The following FAM120A variants were observed in gnomAD, a reference collection of about 807,000 sequenced individuals.
The protein encoded by FAM120A is family with sequence similarity 120 member A.
FAM120A carries 15 observed loss-of-function variants against 109.7 expected under a neutral mutation model. The ratio of observed to expected loss-of-function variants is 0.14; its 90% CI spans 0.09 to 0.21. The LOEUF is 0.21. FAM120A is among the 10% of genes least tolerant of loss of function. FAM120A has a pLI of 1.00. For missense variants in FAM120A, 899 were observed against 1,439.3 expected (o/e 0.62, Z 6.07); for synonymous variants, 493 against 572.8 (o/e 0.86, Z 1.99).
intron 8 of FAM120A, among the ~76,000 whole-genome samples, 168 bp downstream of exon 8, chr9:93,527,410 C>G (rs1021776595): frequency 6.6e-6 from 1 of 152,178 alleles, no homozygotes; most frequent in East Asian, 1.9e-4. Context: ...ATGCCCAAGC[C>G]GGCTAGTCTT....
At chr9:93,454,376 C>G (rs1253565403) in intron 1 of FAM120A, among the ~76,000 whole-genome samples, 2 of 152,000 alleles carry the variant, frequency 1.3e-5, no homozygotes, top group Non-Finnish European at 2.9e-5. Context: ...TTCTCAGCAA[C>G]CAAGCAAGAT....
At chr9:93,553,557 TA>T (rs1373523513) in intron 12 of FAM120A, among the ~76,000 whole-genome samples, 1 of 152,250 alleles carries the variant, frequency 6.6e-6, no homozygotes, top group African/African-American at 2.4e-5. Flanking sequence ...TTAACTTCCA[TA>T]TTTGTATTTC....
In FAM120A at chr9:93,565,800, T is replaced by G. The variant is rs1190415872; in HGVS notation, c.*1260T>G. ...TAGAAGCAGGTATACTTCTATCATT[T>G]TGATGTTTTTGTTAATGTTTCCAAA... On this transcript the variant is annotated 3_prime_UTR_variant, in exon 18 of 18. Transcript: ENST00000277165. 6.6e-6 allele frequency: 1 copy of G among 152,644 alleles called. No individual in the cohort carries two copies. Among genetic ancestry groups the G allele is most frequent in the Non-Finnish European group, 1.5e-5 (1 of 68,038 alleles). The allele number at this position is 152,644 out of a possible 1,614,324, so 9.5% of individuals were successfully genotyped here.
chr9:93,473,691 A>G (rs963344233), intron 2 of FAM120A, among the ~76,000 whole-genome samples: 2 of 152,246 alleles, frequency 1.3e-5, no homozygotes, highest in African/African-American at 4.8e-5. Flanking sequence ...GTGATTTCAC[A>G]ACTTGTGTTT....
At chr9:93,467,956 A>G (rs964351781) in intron 1 of FAM120A, among the ~76,000 whole-genome samples, 5 of 151,572 alleles carry the variant, frequency 3.3e-5, no homozygotes, top group African/African-American at 4.9e-5. Flanking sequence ...ATCTTGACTC[A>G]CTGCAACCTC....
intron 5 of FAM120A, among the ~76,000 whole-genome samples, chr9:93,507,678 G>T (rs552226892): frequency 3.2e-4 from 48 of 152,276 alleles, no homozygotes; most frequent in African/African-American, 1.1e-3. Context: ...TGTTAGCAGC[G>T]CTGAGTTCTG....
intron 5 of FAM120A, among the ~76,000 whole-genome samples, chr9:93,501,973 A>G (rs1342176971): frequency 6.6e-6 from 1 of 152,236 alleles, no homozygotes; most frequent in Non-Finnish European, 1.5e-5. Context: ...AAGGAACAAC[A>G]TGGAGTCGGT....
chr9:93,471,511 G>C (rs1858313517), intron 2 of FAM120A, 124 bp downstream of exon 2: 3 of 1,212,800 alleles, frequency 2.5e-6, no homozygotes, highest in South Asian at 2.9e-5. Flanking sequence ...GAACCAAGGC[G>C]TGGGCTCTTC....
chr9:93,507,866 T>C (rs985375836), intron 5 of FAM120A, among the ~76,000 whole-genome samples: 2 of 152,120 alleles, frequency 1.3e-5, no homozygotes, highest in Non-Finnish European at 2.9e-5. Context: ...TTCCTCAGTA[T>C]AGAAATTCGT....
chr9:93,527,258 C>T lies in FAM120A; in HGVS notation c.1506+16C>T, dbSNP rs775094705. ...CCAAACAAAGGTAGAAAGTCTATGC[C>T]TTTTAGTTTTTGAGTTCTGACTCAT... is the stretch of plus-strand genomic sequence containing the variant. On this transcript the variant is annotated intron_variant, in intron 8 of 17. Transcript: ENST00000277165. 2 of 1,606,798 alleles carry T rather than the reference C, an allele frequency of 1.2e-6. No homozygotes were observed. Among genetic ancestry groups the T allele is most frequent in the African/African-American group, 2.7e-5 (2 of 74,858 alleles).
At chr9:93,513,303 C>G (rs985203945) in intron 5 of FAM120A, among the ~76,000 whole-genome samples, 2 of 152,210 alleles carry the variant, frequency 1.3e-5, no homozygotes, top group African/African-American at 4.8e-5. Flanking sequence ...CTTGTATTGT[C>G]TGTGCCATGC....
chr9:93,532,546 T>A lies in FAM120A; in HGVS notation c.1909+217T>A. The stretch of plus-strand genomic sequence containing the variant: ...CCTCAGTAACATTCCAATAATGATG[T>A]TTATTCAGTAAAATAATAAAACAGG... On this transcript the variant is annotated intron_variant, in intron 10 of 17. Coordinates refer to ENST00000277165, the MANE Select transcript of FAM120A (RefSeq NM_014612.5). This position sits in a 1 kb window ranked among gnomAD's most constrained non-coding sequence, Gnocchi z 4.3. The A allele has an allele frequency of 1.8e-6, 1 of 561,568 alleles. No homozygotes were observed. Among genetic ancestry groups the A allele is most frequent in the Non-Finnish European group, 3.2e-6 (1 of 314,300 alleles). The allele number at this position is 561,568 out of a possible 1,614,324, so 34.8% of individuals were successfully genotyped here.
intron 5 of FAM120A, among the ~76,000 whole-genome samples, chr9:93,510,418 T>C (rs10121183): frequency 0.023 from 3,429 of 152,294 alleles, 127 homozygotes; most frequent in African/African-American, 0.077. Context: ...GGTTTATTAA[T>C]GTTGTATTTG....
intron 2 of FAM120A, among the ~76,000 whole-genome samples, chr9:93,471,738 TTA>T (rs1858323389): frequency 6.6e-6 from 1 of 152,178 alleles, no homozygotes; most frequent in Non-Finnish European, 1.5e-5. Flanking sequence ...TAAATTATGT[TTA>T]TAGTAGAAGA....
intron 2 of FAM120A, among the ~76,000 whole-genome samples, chr9:93,472,158 G>A (rs1858339622): frequency 1.3e-5 from 2 of 151,926 alleles, no homozygotes; most frequent in South Asian, 2.1e-4. Context: ...TACTTGGGAG[G>A]CTGAGGCACA....
At chr9:93,470,686 A>G (rs1858270202) in intron 1 of FAM120A, among the ~76,000 whole-genome samples, 1 of 152,160 alleles carries the variant, frequency 6.6e-6, no homozygotes, top group Non-Finnish European at 1.5e-5. Flanking sequence ...TTAAATTCTG[A>G]TGATTTCACC....
intron 1 of FAM120A, 102 bp from the exon 2 acceptor site, chr9:93,471,039 C>A: frequency 3.5e-6 from 5 of 1,409,808 alleles, no homozygotes; most frequent in South Asian, 1.4e-5. Flanking sequence ...GGATAGTTTT[C>A]ATAAATGTGA....
At chr9:93,512,943 G>C (rs1002005282) in intron 5 of FAM120A, among the ~76,000 whole-genome samples, 2 of 152,166 alleles carry the variant, frequency 1.3e-5, no homozygotes, top group African/African-American at 4.8e-5. Flanking sequence ...TAGTTTGTTT[G>C]TTTGCTTTAA....
chr9:93,527,038 T>C lies in FAM120A; in HGVS notation c.1419-117T>C, dbSNP rs2131455781. ...ATAATAGAGTTATTTCTCGATGTTG[T>C]GTTTATTTTAAAAGTATTGTTATTA... is the stretch of plus-strand genomic sequence containing the variant. On this transcript the variant is annotated intron_variant, in intron 7 of 17. Coordinates refer to ENST00000277165, the MANE Select transcript of FAM120A (RefSeq NM_014612.5). 9.6e-6 allele frequency: 7 copies of C among 731,588 alleles called. No homozygotes were observed. In the East Asian group the frequency reaches 1.9e-4, roughly 19 times the overall value. 45.3% of individuals were successfully genotyped at this position (731,588 alleles called of 1,614,324 possible).
Sources: gnomAD v4.1 joint callset for allele counts (sites outside exome capture counted in the v4.1 genomes callset) on GRCh38, gnomAD v4.1.1 for gene constraint, Gnocchi (gnomAD v3.1) non-coding constraint, MANE v1.5 for transcripts, NCBI Gene and HGNC (gene_info 2026-07-23, HGNC 2026-07-21) for gene names.